PPARGC1A: variants seen among roughly 807,000 people sequenced by gnomAD.
PPARGC1A encodes the protein PPARG coactivator 1 alpha.
Under a neutral mutation model 88.7 loss-of-function variants are expected in PPARGC1A, and 25 were observed. That is an observed-to-expected ratio of 0.28 (90% CI 0.21 to 0.39). The LOEUF is 0.39. Ranked by LOEUF, PPARGC1A falls within the 10% of genes least tolerant of loss-of-function variation. The pLI is 1.00. For missense variants in PPARGC1A, 880 were observed against 968.7 expected, an observed-to-expected ratio of 0.91 and a Z score of 1.22; for synonymous variants, 363 against 355.6, an observed-to-expected ratio of 1.02 and a Z score of -0.24.
At chr4:23,922,630 A>G in the PPARGC1A span, among the ~76,000 whole-genome samples, 4 of 152,210 alleles carry the variant, frequency 2.6e-5, no homozygotes, top group East Asian at 1.9e-4. Flanking sequence ...TTCTGCTGGC[A>G]TCTTAGCTTT....
the PPARGC1A span, among the ~76,000 whole-genome samples, chr4:23,974,351 A>G: frequency 1.3e-5 from 2 of 152,182 alleles, no homozygotes; most frequent in Non-Finnish European, 2.9e-5. Context: ...AGTGCTTGCT[A>G]TATACCAGGA....
the PPARGC1A span, among the ~76,000 whole-genome samples, chr4:24,050,057 A>AT: frequency 1.3e-5 from 2 of 152,050 alleles, no homozygotes; most frequent in Admixed American, 6.6e-5. Context: ...TTTTCTGAAG[A>AT]TTTTTTTGTG....
chr4:24,302,457 A>G, the PPARGC1A span, among the ~76,000 whole-genome samples: 1 of 152,168 alleles, frequency 6.6e-6, no homozygotes, highest in Non-Finnish European at 1.5e-5. Context: ...CCCGCAGGCC[A>G]CTGTGACTAC....
At chr4:23,840,369 A>T (rs1726849886) in intron 2 of PPARGC1A, among the ~76,000 whole-genome samples, 2 of 152,036 alleles carry the variant, frequency 1.3e-5, no homozygotes, top group South Asian at 4.1e-4. Context: ...CTTCCCAATC[A>T]GTCTGATCTC....
intron 2 of PPARGC1A, among the ~76,000 whole-genome samples, chr4:23,876,884 T>A (rs1015457423): frequency 9.9e-5 from 15 of 152,156 alleles, no homozygotes; most frequent in Admixed American, 9.2e-4. Flanking sequence ...ATCTGGTAAT[T>A]CATTAATCCA....
intron 7 of PPARGC1A, among the ~76,000 whole-genome samples, chr4:23,821,541 CA>C (rs1221076513): frequency 7.9e-5 from 12 of 151,962 alleles, no homozygotes; most frequent in Admixed American, 6.6e-4. Flanking sequence ...AGAGGATACA[CA>C]GCAAGGGCAA....
the PPARGC1A span, among the ~76,000 whole-genome samples, chr4:24,003,569 C>CAG: frequency 1.3e-5 from 2 of 152,080 alleles, no homozygotes; most frequent in African/African-American, 2.4e-5. Context: ...GCCAACCACA[C>CAG]AGACATCTTC....
the PPARGC1A span, among the ~76,000 whole-genome samples, chr4:24,043,934 G>C: frequency 6.6e-6 from 1 of 152,178 alleles, no homozygotes; most frequent in Non-Finnish European, 1.5e-5. Context: ...ACATTTGAAA[G>C]AAACCACCTG....
chr4:24,397,182 C>T, the PPARGC1A span, among the ~76,000 whole-genome samples: 6 of 152,102 alleles, frequency 3.9e-5, no homozygotes, highest in Non-Finnish European at 5.9e-5. Context: ...TAAAATATGA[C>T]GCAATCTTAA....
At chr4:24,121,967 T>C in the PPARGC1A span, among the ~76,000 whole-genome samples, 1 of 152,052 alleles carries the variant, frequency 6.6e-6, no homozygotes, top group Non-Finnish European at 1.5e-5. Context: ...TCGAAGTGAC[T>C]GGGAAGAGCG....
intron 10 of PPARGC1A, among the ~76,000 whole-genome samples, chr4:23,806,524 G>A (rs1299008339): frequency 6.6e-6 from 1 of 152,162 alleles, no homozygotes; most frequent in Non-Finnish European, 1.5e-5. Context: ...TTTGGAAACA[G>A]CTCCTCGAAA....
the PPARGC1A span, among the ~76,000 whole-genome samples, chr4:24,410,202 C>G: frequency 6.6e-6 from 1 of 152,064 alleles, no homozygotes; most frequent in Non-Finnish European, 1.5e-5. Flanking sequence ...AGTCAGCTTA[C>G]ATTCACACAT....
At chr4:24,227,871 A>G in the PPARGC1A span, among the ~76,000 whole-genome samples, 1 of 152,254 alleles carries the variant, frequency 6.6e-6, no homozygotes, top group Admixed American at 6.5e-5. Context: ...GAGGCAAAAA[A>G]TAACTTACAG....
the PPARGC1A span, among the ~76,000 whole-genome samples, chr4:24,305,260 A>G: frequency 1.3e-5 from 2 of 151,050 alleles, no homozygotes; most frequent in African/African-American, 2.4e-5. Flanking sequence ...TAATATATAT[A>G]TGATATCTAA....
chr4:23,931,047 A>G, the PPARGC1A span, among the ~76,000 whole-genome samples: 1 of 151,066 alleles, frequency 6.6e-6, no homozygotes, highest in Non-Finnish European at 1.5e-5. Context: ...CTGTTGCTTC[A>G]CAGTCTAGTG....
chr4:24,435,213 G>T, the PPARGC1A span, among the ~76,000 whole-genome samples: 1,884 of 152,174 alleles, frequency 0.012, 56 homozygotes, highest in East Asian at 0.12. Context: ...CTTCCCTCAG[G>T]TAGTATTAGA....
At chr4:24,197,700 G>T in the PPARGC1A span, among the ~76,000 whole-genome samples, 1 of 152,134 alleles carries the variant, frequency 6.6e-6, no homozygotes, top group Non-Finnish European at 1.5e-5. Context: ...ATAAAGAAAG[G>T]TGGTGCCACC....
At chr4:24,337,227 G>A in the PPARGC1A span, among the ~76,000 whole-genome samples, 2 of 152,098 alleles carry the variant, frequency 1.3e-5, no homozygotes, top group Admixed American at 6.5e-5. Context: ...GACTCTCACC[G>A]CCCCACCCAA....
the PPARGC1A span, among the ~76,000 whole-genome samples, chr4:24,287,218 A>T: frequency 5.9e-5 from 9 of 151,676 alleles, no homozygotes; most frequent in Non-Finnish European, 1.2e-4. Flanking sequence ...AAAAAAAAAA[A>T]ATGTATCCAG....
Sources: gnomAD v4.1 joint callset for allele counts (sites outside exome capture counted in the v4.1 genomes callset) on GRCh38, gnomAD v4.1.1 for gene constraint, MANE v1.5 for transcripts, NCBI Gene and HGNC (gene_info 2026-07-23, HGNC 2026-07-21) for gene names.